The following SLC18A2 variants were observed in gnomAD, a reference collection of about 807,000 sequenced individuals.
SLC18A2 encodes synaptic vesicular amine transporter.
A neutral mutation model predicts 59.2 loss-of-function variants in SLC18A2; 33 were observed. The observed-to-expected ratio is 0.56, with a 90% CI of 0.42 to 0.75. The LOEUF (loss-of-function observed/expected upper bound fraction) is 0.75, where lower values mean the gene tolerates loss of function less well. SLC18A2 is among the 30% of genes least tolerant of loss of function. The pLI, the probability that SLC18A2 is intolerant of heterozygous loss-of-function variation, is 0.00. For missense variants in SLC18A2, 569 were observed against 668.6 expected (o/e 0.85, Z 1.64); for synonymous variants, 228 against 253.5 (o/e 0.90, Z 0.95).
chr10:117,273,424 T>C (rs1421398507), intron 15 of SLC18A2, among the ~76,000 whole-genome samples: 1 of 152,236 alleles, frequency 6.6e-6, no homozygotes, highest in Non-Finnish European at 1.5e-5. Context: ...GTCACGCTTC[T>C]TAATTTTACT....
intron 2 of SLC18A2, 100 bp downstream of exon 2, chr10:117,241,914 C>A: frequency 8.1e-7 from 1 of 1,231,110 alleles, no homozygotes; most frequent in Non-Finnish European, 1.1e-6. Flanking sequence ...TCCGCCAAGG[C>A]CCGGGAAAGT....
chr10:117,254,873 C>T (rs945265378), intron 6 of SLC18A2, among the ~76,000 whole-genome samples: 6 of 152,236 alleles, frequency 3.9e-5, no homozygotes, highest in African/African-American at 1.2e-4. Context: ...AGGGGACAAA[C>T]ATCTTCCCTG....
At chr10:117,261,597 G>A (rs1844295138) in intron 10 of SLC18A2, among the ~76,000 whole-genome samples, 1 of 152,178 alleles carries the variant, frequency 6.6e-6, no homozygotes, top group African/African-American at 2.4e-5. Context: ...ATCCAGCCCT[G>A]GGGAATGGGG....
intron 5 of SLC18A2, 105 bp downstream of exon 5, chr10:117,254,236 C>A: frequency 7.9e-7 from 1 of 1,272,556 alleles, no homozygotes; most frequent in Non-Finnish European, 1.1e-6. Flanking sequence ...GCTGGGGATT[C>A]TTGGAGAAGG....
At chr10:117,243,290 T>G (rs564555883) in intron 2 of SLC18A2, among the ~76,000 whole-genome samples, 9 of 152,350 alleles carry the variant, frequency 5.9e-5, no homozygotes, top group Admixed American at 1.3e-4. Context: ...AGGTCAGCAC[T>G]CTCTTAACGT....
In SLC18A2 at chr10:117,269,162, T is replaced by TACAC. The variant is rs140277762; in HGVS notation, c.1187-905_1187-902dup. ...ACCCACCCACATACATATGCACACA[T>TACAC]ACACACATACATATACACACATACA... On this transcript the variant is annotated intron_variant, in intron 13 of 15. Coordinates refer to ENST00000644641, the MANE Select transcript of SLC18A2 (RefSeq NM_003054.6). This position sits in a 1 kb window ranked among gnomAD's most constrained non-coding sequence, Gnocchi z 5.1. 0.8 allele frequency among the ~76,000 whole-genome samples: 120,695 copies of TACAC among 150,854 alleles called. 48,760 individuals carry two copies. The highest frequency in any genetic ancestry group is 0.88 in the Non-Finnish European group (59,332 of 67,692).
chr10:117,258,930 C>G (rs1844260206), intron 10 of SLC18A2, among the ~76,000 whole-genome samples: 1 of 152,148 alleles, frequency 6.6e-6, no homozygotes, highest in Non-Finnish European at 1.5e-5. Context: ...CCACACCTGG[C>G]TAATGACACC....
At position 117,243,962 on chromosome 10, in the gene SLC18A2, T is replaced by C. The variant is rs1844081338; in HGVS notation, c.122-9T>C. ...GATCACCACCTTGCCATTCTGCTCT[T>C]ATCCCCAGTCCCCATCATCCCAAGT... On this transcript the variant is annotated splice_polypyrimidine_tract_variant and intron_variant, in intron 2 of 15. Coordinates refer to ENST00000644641, the MANE Select transcript of SLC18A2 (RefSeq NM_003054.6). 1 of 1,606,910 alleles carries C rather than the reference T, an allele frequency of 6.2e-7. No individual in the cohort carries two copies.
chr10:117,278,080 T>A lies in SLC18A2; in HGVS notation c.*814T>A, dbSNP rs1282464944. ...AAGAAAATTGAGGGTACATGTACCT[T>A]ATACTGTCAAGGTTGTTTAAACATG... is the stretch of plus-strand genomic sequence containing the variant. On this transcript the variant is annotated 3_prime_UTR_variant, in exon 16 of 16. Transcript: ENST00000644641. 3 of 152,216 alleles carry A rather than the reference T, an allele frequency of 2.0e-5. No homozygotes were observed. Among genetic ancestry groups the A allele is most frequent in the African/African-American group, 7.2e-5 (3 of 41,474 alleles). The allele number at this position is 152,216 out of a possible 1,614,324, so 9.4% of individuals were successfully genotyped here.
At position 117,255,294 on chromosome 10, in the gene SLC18A2, A is replaced by T; in HGVS notation, c.718A>T (p.Ser240Cys). Residue 240 changes from serine to cysteine, a missense_variant, in exon 7 of 16, where the codon AGT (serine) becomes TGT (cysteine). This residue lies in a region of SLC18A2 where 377 missense variants were observed against 389.8 expected (regional missense o/e 0.97). Coordinates refer to ENST00000644641, the MANE Select transcript of SLC18A2 (RefSeq NM_003054.6). ...CCCTGCAGTGGGCCCCCCCTTCGGG[A>T]GTGTGCTCTATGAGTTTGTGGGGAA... ...MGVLVGPPFGSVLYEFVGKTA... is the reference protein window; with the variant it reads ...MGVLVGPPFGCVLYEFVGKTA... 6.2e-7 allele frequency: 1 copy of T among 1,613,956 alleles called. No individual in the cohort carries two copies. Among genetic ancestry groups the T allele is most frequent in the Non-Finnish European group, 8.5e-7 (1 of 1,179,996 alleles).
chr10:117,277,198 A>C lies in SLC18A2; in HGVS notation c.1477A>C (p.Lys493Gln). 6.2e-7 allele frequency: 1 copy of C among 1,612,028 alleles called. No individual in the cohort carries two copies. The highest frequency in any genetic ancestry group is 1.1e-5 in the South Asian group (1 of 90,958). Residue 493 changes from lysine (K) to glutamine (Q), a missense_variant, in exon 16 of 16, where the codon AAA (lysine) becomes CAA (glutamine). Lys to Gln is a moderately conservative substitution (Grantham distance 53). Transcript: ENST00000644641. Reference protein sequence around the residue: ...LMDHNCPIKTKMYTQNNIQSY... With the variant: ...LMDHNCPIKTQMYTQNNIQSY... ...GGATCACAACTGCCCTATTAAAACA[A>C]AAATGTACACTCAGAATAATATCCA...
chr10:117,272,845 G>A (rs903472249), intron 15 of SLC18A2, among the ~76,000 whole-genome samples: 1 of 152,176 alleles, frequency 6.6e-6, no homozygotes, highest in Non-Finnish European at 1.5e-5. Context: ...TGCAAGCAGA[G>A]CAGGAAGCCA....
intron 10 of SLC18A2, among the ~76,000 whole-genome samples, chr10:117,266,471 A>G (rs1844349941): frequency 6.6e-6 from 1 of 152,220 alleles, no homozygotes; most frequent in African/African-American, 2.4e-5. Flanking sequence ...GAAGCCCACC[A>G]CCAGCCAGAG....
At chr10:117,257,586 G>A (rs1260300743) in intron 9 of SLC18A2, among the ~76,000 whole-genome samples, 1 of 152,130 alleles carries the variant, frequency 6.6e-6, no homozygotes, top group Non-Finnish European at 1.5e-5. Flanking sequence ...TTTGTCTCTG[G>A]GATTCTAGTT....
chr10:117,270,811 A>G (rs1391928066), intron 15 of SLC18A2, among the ~76,000 whole-genome samples: 1 of 152,186 alleles, frequency 6.6e-6, no homozygotes, highest in South Asian at 2.1e-4. Flanking sequence ...CTTATGCCCA[A>G]GGTTAGCCAT....
Position 117,241,824 on chromosome 10 carries a change from G to T in SLC18A2, c.121+10G>T, listed in dbSNP as rs1844058701. 24 of 1,602,366 alleles carry T rather than the reference G, an allele frequency of 1.5e-5. No individual in the cohort carries two copies. Among genetic ancestry groups the T allele is most frequent in the Non-Finnish European group, 2.0e-5 (23 of 1,175,584 alleles). On this transcript the variant is annotated intron_variant, in intron 2 of 15. Coordinates refer to ENST00000644641, the MANE Select transcript of SLC18A2 (RefSeq NM_003054.6). ...CTGCTCACTGTCGTGGGTACGTGCG[G>T]ACAGGGCACCCCTGCCCCGGCACCC...
chr10:117,256,976 G>T lies in SLC18A2; in HGVS notation c.896-821G>T, dbSNP rs363247. Among the ~76,000 whole-genome samples the T allele has an allele frequency of 3.9e-4, 59 of 152,206 alleles. 1 individual carries two copies. The highest frequency in any genetic ancestry group is 2.3e-3 in the Admixed American group (35 of 15,286). ...TGTCATCGACACTTCCAGACAGCCC[G>T]ACTGGGGAAGGGAGTTGAGAGCCAA... On this transcript the variant is annotated intron_variant, in intron 9 of 15. Transcript: ENST00000644641.
chr10:117,262,101 T>A (rs948000619), intron 10 of SLC18A2, among the ~76,000 whole-genome samples: 28 of 152,272 alleles, frequency 1.8e-4, no homozygotes, highest in African/African-American at 6.7e-4. Context: ...GAGACAGGGT[T>A]TCACTATCTT....
At position 117,254,106 on chromosome 10, in the gene SLC18A2, C is replaced by T. The variant is rs759227003; in HGVS notation, c.582C>T (p.Ile194=). ...FLLIARSLQG[I]GSSCSSVAGM... is the part of the protein sequence containing the mutation. ...TGATTGCCAGGTCGCTGCAGGGCAT[C>T]GGCTCGTCCTGCTCCTCTGTGGCTG... The change falls in exon 5 of 16, where the codon ATC becomes ATT. Residue 194 remains isoleucine (I), a synonymous_variant. Coordinates refer to ENST00000644641, the MANE Select transcript of SLC18A2 (RefSeq NM_003054.6). 3.2e-5 allele frequency: 52 copies of T among 1,613,386 alleles called. No individual in the cohort carries two copies. In the Middle Eastern group the frequency reaches 6.6e-4, roughly 20 times the overall value.
Sources: gnomAD v4.1 joint callset for allele counts (sites outside exome capture counted in the v4.1 genomes callset) on GRCh38, gnomAD v4.1.1 for gene constraint, gnomAD v4.1.1 regional missense constraint, Gnocchi (gnomAD v3.1) non-coding constraint, MANE v1.5 for transcripts, NCBI Gene and HGNC (gene_info 2026-07-23, HGNC 2026-07-21) for gene names.